The following LRMDA variants were observed in gnomAD, a reference collection of about 807,000 sequenced individuals.
LRMDA encodes the protein leucine-rich melanocyte differentiation-associated protein.
Under a neutral mutation model 29.8 loss-of-function variants are expected in LRMDA, and 18 were observed. The observed-to-expected ratio is 0.60, with a 90% CI of 0.42 to 0.90. LRMDA has a LOEUF of 0.90. Ranked by LOEUF, LRMDA falls within the 40% of genes least tolerant of loss-of-function variation. LRMDA has a pLI of 0.00. For missense variants in LRMDA, 273 were observed against 273.9 expected, an observed-to-expected ratio of 1.00 and a Z score of 0.02; for synonymous variants, 125 against 109.4, an observed-to-expected ratio of 1.14 and a Z score of -0.89.
intron 5 of LRMDA, among the ~76,000 whole-genome samples, chr10:76,178,255 C>T (rs186008326): frequency 3.9e-5 from 6 of 152,222 alleles, no homozygotes; most frequent in East Asian, 3.9e-4. Context: ...ATGCTTCTTG[C>T]GGGGAACTTT....
At chr10:75,718,681 A>G (rs1842530798) in intron 2 of LRMDA, among the ~76,000 whole-genome samples, 1 of 152,260 alleles carries the variant, frequency 6.6e-6, no homozygotes, top group Non-Finnish European at 1.5e-5. Flanking sequence ...GCCTTTTCAA[A>G]ACTTCCAAAT....
At chr10:76,035,495 G>A (rs767190066) in intron 2 of LRMDA, among the ~76,000 whole-genome samples, 1 of 152,038 alleles carries the variant, frequency 6.6e-6, no homozygotes, top group Non-Finnish European at 1.5e-5. Context: ...CTTCCCTGTC[G>A]TTTCCCCCGC....
intron 2 of LRMDA, among the ~76,000 whole-genome samples, chr10:75,947,504 A>G (rs1846497368): frequency 6.6e-6 from 1 of 152,178 alleles, no homozygotes; most frequent in African/African-American, 2.4e-5. Flanking sequence ...GCCCATGTCC[A>G]TTCCATGCCA....
chr10:75,920,722 C>T (rs74146938), intron 2 of LRMDA, among the ~76,000 whole-genome samples: 3,392 of 152,244 alleles, frequency 0.022, 121 homozygotes, highest in African/African-American at 0.077. Context: ...AAAAACAACC[C>T]CAAAGACTAG....
chr10:75,996,537 T>C (rs1470655000), intron 2 of LRMDA, among the ~76,000 whole-genome samples: 4 of 152,216 alleles, frequency 2.6e-5, no homozygotes, highest in African/African-American at 7.2e-5. Flanking sequence ...ACAAATAGCC[T>C]GGGCTAGGAG....
chr10:76,461,018 G>C (rs924244293), intron 6 of LRMDA, among the ~76,000 whole-genome samples: 4 of 152,064 alleles, frequency 2.6e-5, no homozygotes, highest in Non-Finnish European at 5.9e-5. Context: ...ATACGTATAA[G>C]AACATCTCTT....
intron 2 of LRMDA, among the ~76,000 whole-genome samples, chr10:75,943,497 C>T (rs867992186): frequency 6.6e-6 from 1 of 152,104 alleles, no homozygotes; most frequent in Non-Finnish European, 1.5e-5. Flanking sequence ...GTACTTTATT[C>T]TTACTTTTAT....
rs931970631 is a variant in LRMDA, at chr10:75,636,961, A to G, written c.131+198467A>G. Among the ~76,000 whole-genome samples the G allele has an allele frequency of 1.3e-5, 2 of 152,250 alleles. 1 individual carries two copies. Among genetic ancestry groups the G allele is most frequent in the African/African-American group, 4.8e-5 (2 of 41,472 alleles). On this transcript the variant is annotated intron_variant, in intron 2 of 6. Transcript: ENST00000611255. ...ACAGTTAACTGAAGGGAAAGTATCT[A>G]TCTAACCTATTGAACACTTACAGTA...
intron 6 of LRMDA, among the ~76,000 whole-genome samples, chr10:76,372,242 A>G (rs1165092719): frequency 2.6e-5 from 4 of 152,258 alleles, no homozygotes; most frequent in African/African-American, 2.4e-5. Context: ...CTCATTTGCT[A>G]GAAATAAAGG....
intron 5 of LRMDA, among the ~76,000 whole-genome samples, chr10:76,144,214 T>C (rs1409266773): frequency 3.3e-5 from 5 of 152,354 alleles, no homozygotes; most frequent in Admixed American, 3.3e-4. Flanking sequence ...AGTAGTTTTT[T>C]CCAATTCTGT....
intron 2 of LRMDA, among the ~76,000 whole-genome samples, chr10:75,544,286 G>A (rs1398223156): frequency 2.6e-5 from 4 of 152,246 alleles, no homozygotes; most frequent in Admixed American, 2.6e-4. Context: ...TACATTTATT[G>A]TTAATTGGTA....
In LRMDA at chr10:76,462,059, CAA is replaced by C. The variant is rs386371868; in HGVS notation, c.602-95134_602-95133del. Among the ~76,000 whole-genome samples the C allele has an allele frequency of 9.9e-3, 1,203 of 122,104 alleles. 9 individuals carry two copies. The highest frequency in any genetic ancestry group is 0.026 in the African/African-American group (847 of 32,096). 80.1% of individuals were successfully genotyped at this position (122,104 alleles called of 152,430 possible). A position where few individuals can be genotyped will look rare whatever the true frequency, so the allele number is the denominator to read the frequency against. ...GAGGACCACAGAGGGAACTCTGTCT[CAA>C]AAAAAAAAAAAAAAACCACACACAC... is the stretch of plus-strand genomic sequence containing the variant. On this transcript the variant is annotated intron_variant, in intron 6 of 6. Transcript: ENST00000611255.
At position 76,552,822 on chromosome 10, in the gene LRMDA, G is replaced by A. The variant is rs1002512730; in HGVS notation, c.602-4387G>A. Among the ~76,000 whole-genome samples, 6 of 152,248 alleles carry A rather than the reference G, an allele frequency of 3.9e-5. No homozygotes were observed. The South Asian group carries it at 1.2e-3, about 32-fold the overall frequency. On this transcript the variant is annotated intron_variant, in intron 6 of 6. Transcript: ENST00000611255. ...TCCAGGATGCTGGATGAATGGATGT[G>A]CAAGAATTCCCTTCCCTGGACTGGG...
chr10:76,031,008 G>T (rs536989685), intron 2 of LRMDA, among the ~76,000 whole-genome samples: 3 of 152,158 alleles, frequency 2.0e-5, no homozygotes, highest in African/African-American at 7.2e-5. Flanking sequence ...TTGGAGTGGT[G>T]GGGGGAGTAT....
chr10:75,793,075 C>A (rs576461281), intron 2 of LRMDA, among the ~76,000 whole-genome samples: 21 of 152,260 alleles, frequency 1.4e-4, no homozygotes, highest in Admixed American at 6.5e-4. Context: ...GTATTCCACA[C>A]AGGGAAAACC....
intron 2 of LRMDA, among the ~76,000 whole-genome samples, chr10:75,821,578 G>A (rs1266523736): frequency 6.6e-6 from 1 of 152,062 alleles, no homozygotes; most frequent in African/African-American, 2.4e-5. Flanking sequence ...GACCATCCTG[G>A]CTAACATGGT....
At chr10:75,898,650 GAA>G in intron 2 of LRMDA, among the ~76,000 whole-genome samples, 1 of 149,966 alleles carries the variant, frequency 6.7e-6, no homozygotes, top group Middle Eastern at 3.4e-3. Context: ...CTCAAAACAA[GAA>G]AAAAAAAGAG....
chr10:76,327,801 G>C (rs1840854518), intron 6 of LRMDA, among the ~76,000 whole-genome samples: 1 of 152,144 alleles, frequency 6.6e-6, no homozygotes, highest in Non-Finnish European at 1.5e-5. Context: ...CCTCAATTCT[G>C]TTGCTTTCAT....
At chr10:76,342,913 A>G (rs1391245434) in intron 6 of LRMDA, among the ~76,000 whole-genome samples, 1 of 152,228 alleles carries the variant, frequency 6.6e-6, no homozygotes, top group East Asian at 1.9e-4. Flanking sequence ...ATTTTACCAA[A>G]CATTAGAAGA....
Sources: gnomAD v4.1 joint callset for allele counts (sites outside exome capture counted in the v4.1 genomes callset) on GRCh38, gnomAD v4.1.1 for gene constraint, MANE v1.5 for transcripts, NCBI Gene and HGNC (gene_info 2026-07-23, HGNC 2026-07-21) for gene names.